The following ARID1B variants were observed in gnomAD, a reference collection of about 807,000 sequenced individuals.
ARID1B encodes the protein AT-rich interaction domain 1B.
Under a neutral mutation model 212.3 loss-of-function variants are expected in ARID1B, and 30 were observed. The ratio of observed to expected loss-of-function variants is 0.14; its 90% confidence interval spans 0.11 to 0.19. The LOEUF (loss-of-function observed/expected upper bound fraction) is 0.19, where lower values mean the gene tolerates loss of function less well. Ranked by LOEUF, ARID1B falls within the 10% of genes least tolerant of loss-of-function variation. The pLI, the probability that ARID1B is intolerant of heterozygous loss-of-function variation, is 1.00. For synonymous variants in ARID1B, 1,402 were observed against 1,301.7 expected (o/e 1.08, Z -1.66); for missense variants, 2,891 against 3,204.0 (o/e 0.90, Z 2.36).
At chr6:156,882,213 GT>G (rs1787155510) in intron 2 of ARID1B, among the ~76,000 whole-genome samples, 1 of 151,982 alleles carries the variant, frequency 6.6e-6, no homozygotes, top group African/African-American at 2.4e-5. Context: ...CTCAGCCTTG[GT>G]CCCGGTGGAG....
intron 6 of ARID1B, among the ~76,000 whole-genome samples, chr6:157,117,531 G>A (rs1429537136): frequency 2.0e-5 from 3 of 152,110 alleles, no homozygotes; most frequent in African/African-American, 4.8e-5. Context: ...TGAATTCAGT[G>A]TCTTCCTATG....
At chr6:156,787,320 A>G (rs979948895) in intron 1 of ARID1B, among the ~76,000 whole-genome samples, 6 of 152,166 alleles carry the variant, frequency 3.9e-5, no homozygotes, top group Non-Finnish European at 7.4e-5. Flanking sequence ...AAATTCAGCT[A>G]CTGCTTCTGG....
At chr6:156,948,314 C>G (rs897172012) in intron 4 of ARID1B, among the ~76,000 whole-genome samples, 7 of 152,188 alleles carry the variant, frequency 4.6e-5, no homozygotes, top group Non-Finnish European at 1.0e-4. Context: ...AACGCCTAGA[C>G]TCAGCCTCCC....
Position 156,880,503 on chromosome 6 carries a change from C to T in ARID1B, c.1987-20873C>T, listed in dbSNP as rs530768318. ...CTGTAATCCCAGCACTTTGGGAGGC[C>T]GAGGCTGGCAGATTAGCTGAGGTCA... is the stretch of plus-strand genomic sequence containing the variant. On this transcript the variant is annotated intron_variant, in intron 2 of 19. Transcript: ENST00000636930. 2.2e-3 allele frequency among the ~76,000 whole-genome samples: 341 copies of T among 152,004 alleles called. 4 individuals are homozygous for T. Among genetic ancestry groups the T allele is most frequent in the Middle Eastern group, 0.01 (3 of 294 alleles).
At chr6:157,086,486 A>C (rs757062274) in intron 5 of ARID1B, among the ~76,000 whole-genome samples, 1 of 152,204 alleles carries the variant, frequency 6.6e-6, no homozygotes, top group Non-Finnish European at 1.5e-5. Flanking sequence ...ATATTGCGTT[A>C]CTCAAAGAGC....
chr6:156,981,678 A>G (rs911438680), intron 4 of ARID1B, among the ~76,000 whole-genome samples: 3 of 152,162 alleles, frequency 2.0e-5, no homozygotes, highest in Non-Finnish European at 4.4e-5. Flanking sequence ...TTTGGTTAAG[A>G]CTGCATTACT....
At chr6:156,792,441 T>G (rs1215088607) in intron 1 of ARID1B, among the ~76,000 whole-genome samples, 1 of 152,150 alleles carries the variant, frequency 6.6e-6, no homozygotes, top group Non-Finnish European at 1.5e-5. Context: ...CATCATAGTG[T>G]AATGATGAAT....
chr6:157,195,778 A>T (rs1793671420), intron 15 of ARID1B: 2 of 212,304 alleles, frequency 9.4e-6, no homozygotes, highest in South Asian at 1.4e-4. Flanking sequence ...GAAAAAGTAC[A>T]GGCCAGGCGC....
chr6:156,897,193 TGC>T (rs2128202401), intron 2 of ARID1B, among the ~76,000 whole-genome samples: 1 of 76,648 alleles, frequency 1.3e-5, no homozygotes, highest in African/African-American at 4.7e-5. Context: ...CTGCTGCTAC[TGC>T]TGCTGCTGCT....
rs1562494899 is a variant in ARID1B, at chr6:156,934,956, ATATAT to A, written c.2137-509_2137-505del. The stretch of plus-strand genomic sequence containing the variant: ...TATATATATATATATATATATATAT[ATATAT>A]AGTTTATATTTCTGCTGTTATTCAC... On this transcript the variant is annotated intron_variant, in intron 3 of 19. Transcript: ENST00000636930. 3.7e-3 allele frequency among the ~76,000 whole-genome samples: 294 copies of A among 80,448 alleles called. 7 individuals are homozygous for A. Among genetic ancestry groups the A allele is most frequent in the East Asian group, 0.017 (36 of 2,126 alleles). 52.8% of individuals were successfully genotyped at this position (80,448 alleles called of 152,430 possible). A position where few individuals can be genotyped will look rare whatever the true frequency, so the allele number is the denominator to read the frequency against.
intron 2 of ARID1B, among the ~76,000 whole-genome samples, chr6:156,887,143 C>G (rs1787570192): frequency 6.6e-6 from 1 of 152,198 alleles, no homozygotes; most frequent in African/African-American, 2.4e-5. Context: ...AAGACTCATG[C>G]TCATTTGAAG....
chr6:156,980,146 C>T (rs1000224170), intron 4 of ARID1B, among the ~76,000 whole-genome samples: 2 of 152,036 alleles, frequency 1.3e-5, no homozygotes, highest in East Asian at 1.9e-4. Flanking sequence ...TGCTTAGATC[C>T]GTAGTCATAG....
chr6:156,975,477 AT>A (rs1024598584), intron 4 of ARID1B, among the ~76,000 whole-genome samples: 17 of 152,276 alleles, frequency 1.1e-4, no homozygotes, highest in African/African-American at 3.9e-4. Context: ...AAGCAAAAAA[AT>A]ACCTTTAATT....
chr6:157,116,348 C>A (rs910915051), intron 6 of ARID1B, among the ~76,000 whole-genome samples: 5 of 151,650 alleles, frequency 3.3e-5, no homozygotes, highest in Admixed American at 1.3e-4. Flanking sequence ...TTTTCGAAAA[C>A]CTTCTAATTG....
chr6:156,963,296 G>A (rs1794524449), intron 4 of ARID1B, among the ~76,000 whole-genome samples: 1 of 152,084 alleles, frequency 6.6e-6, no homozygotes, highest in Admixed American at 6.5e-5. Context: ...CGCTCTACTG[G>A]TTATCCTAAT....
chr6:157,118,868 CTT>C (rs1787512539), intron 6 of ARID1B, among the ~76,000 whole-genome samples: 1 of 152,170 alleles, frequency 6.6e-6, no homozygotes. Flanking sequence ...TATTTTGTTA[CTT>C]TTGTTATATG....
rs937750561 is a variant in ARID1B, at chr6:157,094,240, A to G, written c.2491+9335A>G. Among the ~76,000 whole-genome samples the G allele has an allele frequency of 5.9e-5, 9 of 152,298 alleles. No individual in the cohort carries two copies. Among genetic ancestry groups the G allele is most frequent in the Middle Eastern group, 6.8e-3 (2 of 294 alleles). The stretch of plus-strand genomic sequence containing the variant: ...CTTAGTGTGTTGGGCGGCGAACACC[A>G]GGAAATCAGTGTAGCCACAGCATAG... On this transcript the variant is annotated intron_variant, in intron 5 of 19. Transcript: ENST00000636930. The surrounding 1 kb of genome is among the most constrained non-coding windows in gnomAD (Gnocchi z 4.3).
intron 11 of ARID1B, among the ~76,000 whole-genome samples, chr6:157,180,663 T>C (rs560457983): frequency 6.6e-6 from 1 of 152,358 alleles, no homozygotes; most frequent in Non-Finnish European, 1.5e-5. Context: ...GAGGTGTCAC[T>C]GGAATTTTGC....
rs1014416561 is a variant in ARID1B at position 157,203,684 on chromosome 6, G to A, written c.5264-182G>A. On this transcript the variant is annotated intron_variant, in intron 18 of 19. Transcript: ENST00000636930. This position sits in a 1 kb window ranked among gnomAD's most constrained non-coding sequence, Gnocchi z 4.4. The stretch of plus-strand genomic sequence containing the variant: ...AGATCTGAAACCACAAAAGTTTCTC[G>A]TTACAGCTATGGCCTCCATTTAAAA... 14 of 783,850 alleles carry A rather than the reference G, an allele frequency of 1.8e-5. No homozygotes were observed. The highest frequency in any genetic ancestry group is 4.8e-5 in the Admixed American group (2 of 41,508). 48.6% of individuals were successfully genotyped at this position (783,850 alleles called of 1,614,324 possible).
Sources: allele counts gnomAD v4.1 joint callset (sites outside exome capture counted in the v4.1 genomes callset), GRCh38; gene constraint gnomAD v4.1.1; non-coding constraint Gnocchi (gnomAD v3.1); transcripts MANE v1.5; gene names NCBI Gene and HGNC (gene_info 2026-07-23, HGNC 2026-07-21).